Variants in FLACC1 observed in about 807,000 individuals in gnomAD.
FLACC1 encodes flagellum-associated coiled-coil domain-containing protein 1.
In FLACC1, 66 loss-of-function variants were observed where a neutral mutation model predicts 62.8. That is an observed-to-expected ratio of 1.05 (90% CI 0.86 to 1.29). The LOEUF is 1.29. FLACC1 is among the 50% of genes most tolerant of loss of function. FLACC1 has a pLI of 0.00. For synonymous variants in FLACC1, 156 were observed against 161.0 expected (o/e 0.97, Z 0.24); for missense variants, 452 against 489.1 (o/e 0.92, Z 0.71).
chr2:201,309,925 A>AAAAAAAAAAAG lies in FLACC1; in HGVS notation c.676-676_676-675insCTTTTTTTTTT, dbSNP rs764506462. On this transcript the variant is annotated intron_variant, in intron 9 of 14. Coordinates refer to ENST00000392257, the MANE Select transcript of FLACC1 (RefSeq NM_001127391.3). ...TGTCTCAAAAAAAAAAAAAAAAAAA[A>AAAAAAAAAAAG]AAGAAGAAGAAAGGAAATACCTAGT... Among the ~76,000 whole-genome samples the AAAAAAAAAAAG allele has an allele frequency of 3.2e-4, 32 of 99,370 alleles. 4 individuals carry two copies. The highest frequency in any genetic ancestry group is 8.6e-4 in the East Asian group (2 of 2,330). 65.2% of individuals were successfully genotyped at this position (99,370 alleles called of 152,430 possible). A position where few individuals can be genotyped will look rare whatever the true frequency, so the allele number is the denominator to read the frequency against.
At chr2:201,307,353 G>T (rs1466539205) in intron 11 of FLACC1, among the ~76,000 whole-genome samples, 166 bp downstream of exon 11, 1 of 152,166 alleles carries the variant, frequency 6.6e-6, no homozygotes, top group African/African-American at 2.4e-5. Flanking sequence ...CCAGCTAAAG[G>T]ACAGCAAGAC....
chr2:201,291,737 G>C (rs560215307), intron 12 of FLACC1, among the ~76,000 whole-genome samples: 7 of 152,212 alleles, frequency 4.6e-5, no homozygotes, highest in Non-Finnish European at 8.8e-5. Flanking sequence ...CGAGCTAAAG[G>C]AGAAAGTTCG....
At chr2:201,304,060 G>C (rs10199110) in intron 11 of FLACC1, among the ~76,000 whole-genome samples, 30,773 of 152,098 alleles carry the variant, frequency 0.2, 3,375 homozygotes, top group South Asian at 0.3. Flanking sequence ...ATTCAACATA[G>C]TGTTGGAAGT....
At chr2:201,325,403 T>C (rs1950484067) in intron 9 of FLACC1, among the ~76,000 whole-genome samples, 1 of 150,416 alleles carries the variant, frequency 6.6e-6, no homozygotes, top group African/African-American at 2.4e-5. Context: ...ATAGACTAGA[T>C]TAGCCAAGAA....
Position 201,350,793 on chromosome 2 carries a change from A to G in FLACC1, c.114-11T>C, listed in dbSNP as rs1951013204. 6.2e-7 allele frequency: 1 copy of G among 1,602,592 alleles called. No individual in the cohort carries two copies. The stretch of plus-strand genomic sequence containing the variant: ...ACAAGAGGAGTTAGCCTGAAAGTGA[A>G]AAACAAATAACTAAAACAAGAACAT... On this transcript the variant is annotated splice_polypyrimidine_tract_variant and intron_variant, in intron 2 of 14. Coordinates refer to ENST00000392257, the MANE Select transcript of FLACC1 (RefSeq NM_001127391.3).
chr2:201,340,039 G>T (rs1465726486), intron 7 of FLACC1, among the ~76,000 whole-genome samples: 2 of 152,194 alleles, frequency 1.3e-5, no homozygotes, highest in African/African-American at 4.8e-5. Flanking sequence ...CCCATAGGTG[G>T]TGCATGCAGA....
In FLACC1 at chr2:201,303,026, C is replaced by G. The variant is rs574837147; in HGVS notation, c.880-3726G>C. Among the ~76,000 whole-genome samples the G allele has an allele frequency of 3.4e-3, 517 of 151,008 alleles. 4 individuals carry two copies. Among genetic ancestry groups the G allele is most frequent in the African/African-American group, 0.012 (493 of 41,288 alleles). The stretch of plus-strand genomic sequence containing the variant: ...TAACATCACAATTAAAAGAACTAGA[C>G]AAGCAAGGGCAAACACATTCAAAAG... On this transcript the variant is annotated intron_variant, in intron 11 of 14. Transcript: ENST00000392257.
intron 9 of FLACC1, among the ~76,000 whole-genome samples, chr2:201,321,940 G>T (rs2125582077): frequency 6.6e-6 from 1 of 152,160 alleles, no homozygotes; most frequent in East Asian, 1.9e-4. Flanking sequence ...TCCCCTACTG[G>T]CCTGAAGCTG....
chr2:201,322,777 G>A (rs1950429606), intron 9 of FLACC1, among the ~76,000 whole-genome samples: 1 of 151,876 alleles, frequency 6.6e-6, no homozygotes, highest in African/African-American at 2.4e-5. Flanking sequence ...GAATTCAGAA[G>A]GTCAATTATT....
At position 201,346,989 on chromosome 2, in the gene FLACC1, C is replaced by T. The variant is rs949884677; in HGVS notation, c.235-314G>A. 6.6e-6 allele frequency among the ~76,000 whole-genome samples: 1 copy of T among 152,206 alleles called. No homozygotes were observed. Among genetic ancestry groups the T allele is most frequent in the South Asian group, 2.1e-4 (1 of 4,830 alleles). ...AGGAGGTGGGCATGCGGCAACTGCT[C>T]GGGTTTTGGAATCACAGAGGCCTGA... On this transcript the variant is annotated intron_variant, in intron 4 of 14. Transcript: ENST00000392257. This position sits in a 1 kb window ranked among gnomAD's most constrained non-coding sequence, Gnocchi z 4.0.
At chr2:201,309,905 C>CAAAAAAAAAAAAAAAAAAAAA (rs1161849891) in intron 9 of FLACC1, among the ~76,000 whole-genome samples, 4 of 44,648 alleles carry the variant, frequency 9.0e-5, no homozygotes, top group East Asian at 6.5e-4. Flanking sequence ...GACTCTGTCT[C>CAAAAAAAAAAAAAAAAAAAAA]AAAAAAAAAA....
chr2:201,320,562 C>T (rs1950384939), intron 9 of FLACC1, among the ~76,000 whole-genome samples: 1 of 152,252 alleles, frequency 6.6e-6, no homozygotes, highest in Non-Finnish European at 1.5e-5. Flanking sequence ...CCACCTGCTT[C>T]TCCTCACTCT....
chr2:201,341,584 C>T (rs1415171073), intron 7 of FLACC1, among the ~76,000 whole-genome samples: 1 of 150,880 alleles, frequency 6.6e-6, no homozygotes. Context: ...TTACTATATA[C>T]ATATAGTAAA....
Position 201,330,811 on chromosome 2 carries a change from C to T in FLACC1, c.547G>A (p.Ala183Thr), listed in dbSNP as rs754326305. 3.1e-6 allele frequency: 5 copies of T among 1,613,534 alleles called. No individual in the cohort carries two copies. The highest frequency in any genetic ancestry group is 4.2e-6 in the Non-Finnish European group (5 of 1,179,986). The change falls in exon 8 of 15, where the codon GCA becomes ACA. Residue 183 changes from alanine to threonine, a missense_variant. This residue lies in a region of FLACC1 where 301 missense variants were observed against 318.4 expected (regional missense o/e 0.95). Transcript: ENST00000392257. ...KNRELKEAHE[A>T]ELSELENNYK... ...TTGTTCTCCAACTCACTGAGTTCTG[C>T]TTCATGGGCCTCTTTGAGCTCCCTG... is the stretch of plus-strand genomic sequence containing the variant.
rs559076869 is a variant in FLACC1 at position 201,293,144 on chromosome 2, A to C, written c.943-3359T>G. Among the ~76,000 whole-genome samples the C allele has an allele frequency of 4.6e-5, 7 of 152,328 alleles. No individual in the cohort carries two copies. In the East Asian group the frequency reaches 1.3e-3, roughly 29 times the overall value. ...AGAAAGTTAACAAGGATATCCAGGA[A>C]TTGAACTCAGCTCTGCACCAAGCAG... On this transcript the variant is annotated intron_variant, in intron 12 of 14. Transcript: ENST00000392257.
chr2:201,321,774 A>AG (rs1950407914), intron 9 of FLACC1, among the ~76,000 whole-genome samples: 1 of 152,162 alleles, frequency 6.6e-6, no homozygotes, highest in African/African-American at 2.4e-5. Flanking sequence ...CTAACCTGGC[A>AG]GGGGAGCTGA....
rs564758957 is a variant in FLACC1, at chr2:201,303,929, T to A, written c.879+3590A>T. Among the ~76,000 whole-genome samples, 20 of 152,292 alleles carry A rather than the reference T, an allele frequency of 1.3e-4. No individual in the cohort carries two copies. The East Asian group carries it at 3.7e-3, about 28-fold the overall frequency. On this transcript the variant is annotated intron_variant, in intron 11 of 14. Transcript: ENST00000392257. ...AAATTAGGTATTGATGGGACGTATC[T>A]CAAAATAATAAGAGCTACCTATGAC...
At chr2:201,358,799 G>A (rs1320451599), upstream of FLACC1, among the ~76,000 whole-genome samples, 1 of 152,172 alleles carries the variant, frequency 6.6e-6, no homozygotes, top group Non-Finnish European at 1.5e-5. Flanking sequence ...GAATTCAAGT[G>A]ATCCTCCTGC....
chr2:201,352,728 C>A (rs1250197178), intron 1 of FLACC1, among the ~76,000 whole-genome samples: 1 of 152,176 alleles, frequency 6.6e-6, no homozygotes, highest in Non-Finnish European at 1.5e-5. Context: ...AGGATGAATA[C>A]TGTCCCTTTC....
Sources: gnomAD v4.1 joint callset for allele counts (sites outside exome capture counted in the v4.1 genomes callset) on GRCh38, gnomAD v4.1.1 for gene constraint, gnomAD v4.1.1 regional missense constraint, Gnocchi (gnomAD v3.1) non-coding constraint, MANE v1.5 for transcripts, NCBI Gene and HGNC (gene_info 2026-07-23, HGNC 2026-07-21) for gene names.